PLAAT1: variants seen among roughly 807,000 people sequenced by gnomAD.
The protein encoded by PLAAT1 is phospholipase A and acyltransferase 1, also known as H-REV107 protein-related protein.
A neutral mutation model predicts 16.4 loss-of-function variants in PLAAT1; 13 were observed. The observed-to-expected ratio is 0.79, with a 90% CI of 0.52 to 1.26. PLAAT1 has a LOEUF of 1.26. PLAAT1 is among the 50% of genes most tolerant of loss of function. PLAAT1 has a pLI of 0.00. For synonymous variants in PLAAT1, 73 were observed against 78.4 expected (o/e 0.93, Z 0.36); for missense variants, 218 against 207.8 (o/e 1.05, Z -0.30).
chr3:193,274,838 C>T (rs1336103571), downstream of PLAAT1: 4 of 651,148 alleles, frequency 6.1e-6, no homozygotes, highest in Non-Finnish European at 1.0e-5. Context: ...ACAGGAAATG[C>T]ATTTTTTTCT....
intron 2 of PLAAT1, among the ~76,000 whole-genome samples, chr3:193,256,728 T>G (rs1226753802): frequency 1.3e-5 from 2 of 152,182 alleles, no homozygotes; most frequent in African/African-American, 4.8e-5. Flanking sequence ...AGGGTTCGTA[T>G]CCTCTGACCC....
intron 1 of PLAAT1, among the ~76,000 whole-genome samples, chr3:193,248,707 C>A (rs1716072882): frequency 6.6e-6 from 1 of 152,092 alleles, no homozygotes; most frequent in South Asian, 2.1e-4. Flanking sequence ...TTACTATCCC[C>A]TCCAACAATT....
intron 1 of PLAAT1, among the ~76,000 whole-genome samples, chr3:193,249,483 A>G (rs912119002): frequency 6.6e-6 from 1 of 152,136 alleles, no homozygotes; most frequent in African/African-American, 2.4e-5. Flanking sequence ...CATTATGTTG[A>G]TGAGAAAAAA....
At chr3:193,253,351 T>C (rs1577302745) in intron 1 of PLAAT1, among the ~76,000 whole-genome samples, 2 of 152,294 alleles carry the variant, frequency 1.3e-5, no homozygotes, top group East Asian at 3.9e-4. Context: ...TATATTAGAA[T>C]TTTACAGTTG....
At position 193,260,601 on chromosome 3, in the gene PLAAT1, C is replaced by T. The variant is rs558187800; in HGVS notation, c.140-2369C>T. Among the ~76,000 whole-genome samples the T allele has an allele frequency of 1.2e-3, 183 of 152,100 alleles. 2 individuals are homozygous for T. The highest frequency in any genetic ancestry group is 4.1e-3 in the African/African-American group (169 of 41,502). On this transcript the variant is annotated intron_variant, in intron 2 of 3. Coordinates refer to ENST00000264735, the MANE Select transcript of PLAAT1 (RefSeq NM_020386.5). ...ACCAACAAACCTATGAAACAATGCT[C>T]ATCATCACTAATCATAGAAATGCAA...
intron 2 of PLAAT1, among the ~76,000 whole-genome samples, chr3:193,259,656 T>C (rs1280731581): frequency 6.6e-6 from 1 of 152,044 alleles, no homozygotes; most frequent in East Asian, 1.9e-4. Context: ...TACCTAGGAA[T>C]ACATCCAACC....
At chr3:193,280,022 C>T (rs1717412393), downstream of PLAAT1, among the ~76,000 whole-genome samples, 1 of 116,716 alleles carries the variant, frequency 8.6e-6, no homozygotes, top group Admixed American at 9.8e-5. Flanking sequence ...TACCTGTGTA[C>T]ATAATAATCT....
At position 193,241,528 on chromosome 3, in the gene PLAAT1, AGTGAGGT is replaced by A; in HGVS notation, c.-2_-1+5del. ...TGCGAGAAGAAGACCCCGGCTTGAG[AGTGAGGT>A]GTGCTGGGCGGAGTGGGGGAGGACC... On this transcript the variant is annotated splice_donor_variant and 5_prime_UTR_variant, in exon 1 of 4. Transcript: ENST00000264735. LOFTEE classifies it low-confidence loss of function (5UTR_SPLICE). 8.1e-7 allele frequency: 1 copy of A among 1,231,846 alleles called. No individual in the cohort carries two copies. Among genetic ancestry groups the A allele is most frequent in the Non-Finnish European group, 1.0e-6 (1 of 988,148 alleles). 76.3% of individuals were successfully genotyped at this position (1,231,846 alleles called of 1,614,324 possible). A position where few individuals can be genotyped will look rare whatever the true frequency, so the allele number is the denominator to read the frequency against.
chr3:193,254,586 G>A (rs2108788147), intron 1 of PLAAT1, among the ~76,000 whole-genome samples: 1 of 152,140 alleles, frequency 6.6e-6, no homozygotes, highest in East Asian at 1.9e-4. Context: ...AGAATCAACT[G>A]TCAGATACTT....
chr3:193,276,181 G>C (rs1195961185), intron 2 of PLAAT1, among the ~76,000 whole-genome samples: 1 of 152,042 alleles, frequency 6.6e-6, no homozygotes, highest in Non-Finnish European at 1.5e-5. Context: ...AAGTCTTAAA[G>C]CACATGAGTT....
downstream of PLAAT1, among the ~76,000 whole-genome samples, chr3:193,274,503 G>T (rs1193733504): frequency 6.6e-6 from 1 of 152,082 alleles, no homozygotes; most frequent in Non-Finnish European, 1.5e-5. Flanking sequence ...CACAATTCTG[G>T]CTTATTATAG....
At chr3:193,246,737 C>T (rs768840453) in intron 1 of PLAAT1, among the ~76,000 whole-genome samples, 6 of 152,112 alleles carry the variant, frequency 3.9e-5, no homozygotes, top group Non-Finnish European at 7.3e-5. Flanking sequence ...GGTGAGTGAT[C>T]GTTTAAATTT....
chr3:193,255,503 A>G (rs558642860), intron 1 of PLAAT1, 148 bp from the exon 2 acceptor site: 30 of 710,700 alleles, frequency 4.2e-5, no homozygotes, highest in Non-Finnish European at 5.8e-5. Flanking sequence ...GAATCATTCA[A>G]AGAAAAGGAC....
At chr3:193,251,311 T>G (rs1036563564) in intron 1 of PLAAT1, among the ~76,000 whole-genome samples, 2 of 152,144 alleles carry the variant, frequency 1.3e-5, no homozygotes, top group Non-Finnish European at 2.9e-5. Context: ...GGAAAGAAGG[T>G]GGGAATGTTG....
At chr3:193,270,900 C>G, downstream of PLAAT1, 1 of 1,215,564 alleles carries the variant, frequency 8.2e-7, no homozygotes, top group Non-Finnish European at 1.0e-6. Flanking sequence ...CATAGATGTA[C>G]TGTGGCAGCT....
rs369665855 is a variant in PLAAT1, at chr3:193,270,566, T to C, written c.406-38T>C. 1,810 of 1,594,970 alleles carry C rather than the reference T, an allele frequency of 1.1e-3. 13 individuals carry two copies. The highest frequency in any genetic ancestry group is 8.8e-3 in the South Asian group (775 of 88,390). ...ATTTAGGACACAGATGTCTTTAGAA[T>C]ATGATGTGTTTTTTGTTTACTTCTT... On this transcript the variant is annotated intron_variant, in intron 3 of 3. Transcript: ENST00000264735.
chr3:193,243,457 T>C (rs1221806523), intron 1 of PLAAT1, among the ~76,000 whole-genome samples: 1 of 152,248 alleles, frequency 6.6e-6, no homozygotes, highest in African/African-American at 2.4e-5. Flanking sequence ...GGAGCGAGGT[T>C]CCACTTCACA....
downstream of PLAAT1, chr3:193,274,977 C>A (rs1717116728): frequency 6.3e-7 from 1 of 1,584,144 alleles, no homozygotes; most frequent in African/African-American, 1.3e-5. Flanking sequence ...ATCATCACTT[C>A]TCCACAATGT....
downstream of PLAAT1, chr3:193,277,739 T>G (rs1397443878): frequency 6.6e-5 from 10 of 152,252 alleles, no homozygotes. Context: ...GCAGAGAACC[T>G]GGCTCTTTTT....
Sources: gnomAD v4.1 joint callset for allele counts (sites outside exome capture counted in the v4.1 genomes callset) on GRCh38, gnomAD v4.1.1 for gene constraint, MANE v1.5 for transcripts, NCBI Gene and HGNC (gene_info 2026-07-23, HGNC 2026-07-21) for gene names.